AAMDC: variants seen among roughly 807,000 people sequenced by gnomAD.
AAMDC encodes adipogenesis associated Mth938 domain containing.
Under a neutral mutation model 15.5 loss-of-function variants are expected in AAMDC, and 16 were observed. The observed-to-expected ratio is 1.03, with a 90% CI of 0.70 to 1.57. The LOEUF is 1.57. Ranked by LOEUF, AAMDC falls within the 40% of genes most tolerant of loss-of-function variation. The probability of loss-of-function intolerance (pLI) is 0.00; values close to 1 mark genes in which losing one functional copy is unlikely to be tolerated. For missense variants in AAMDC, 141 were observed against 144.9 expected (o/e 0.97, Z 0.14); for synonymous variants, 51 against 51.6 (o/e 0.99, Z 0.05).
chr11:77,833,009 ATT>A lies in AAMDC; in HGVS notation c.-18-9451_-18-9450del, dbSNP rs781247642. Among the ~76,000 whole-genome samples, 22 of 60,020 alleles carry A rather than the reference ATT, an allele frequency of 3.7e-4. 1 individual carries two copies. Among genetic ancestry groups the A allele is most frequent in the South Asian group, 1.6e-3 (3 of 1,838 alleles). The allele number at this position is 60,020 out of a possible 152,430, so 39.4% of individuals were successfully genotyped here. A position where few individuals can be genotyped will look rare whatever the true frequency, so the allele number is the denominator to read the frequency against. On this transcript the variant is annotated intron_variant, in intron 1 of 3. Transcript: ENST00000393427. ...TGTGTGTGTGTGTGTATATATATAT[ATT>A]TTTTTTTTTTTTTTTTTTGAGACAG...
At chr11:77,893,897 A>AAATAAATAAATG (rs1445461668) in intron 5 of AAMDC, among the ~76,000 whole-genome samples, 36 of 148,894 alleles carry the variant, frequency 2.4e-4, no homozygotes, top group Non-Finnish European at 5.2e-4. Context: ...TGTCTTAAAT[A>AAATAAATAAATG]AATAAATAAA....
At chr11:77,862,990 C>CG (rs1296258587) in intron 2 of AAMDC, among the ~76,000 whole-genome samples, 2 of 151,974 alleles carry the variant, frequency 1.3e-5, no homozygotes, top group African/African-American at 4.8e-5. Flanking sequence ...CAAATGTTAC[C>CG]GGGGGGTCCT....
chr11:77,883,904 C>G (rs747088921), intron 5 of AAMDC: 8 of 1,613,236 alleles, frequency 5.0e-6, no homozygotes, highest in Non-Finnish European at 6.8e-6. Context: ...TTCCGGAAGT[C>G]TGCAGGCTTG....
chr11:77,893,205 C>A (rs546921138), intron 5 of AAMDC, among the ~76,000 whole-genome samples: 2 of 152,180 alleles, frequency 1.3e-5, no homozygotes, highest in African/African-American at 4.8e-5. Flanking sequence ...TGTGCTTTAA[C>A]GGATTCATTC....
intron 2 of AAMDC, among the ~76,000 whole-genome samples, chr11:77,851,908 G>A (rs914345542): frequency 4.6e-5 from 7 of 152,046 alleles, no homozygotes; most frequent in South Asian, 2.1e-4. Context: ...TCTTGAATTT[G>A]AATATTTTCA....
downstream of AAMDC, chr11:77,877,152 T>C: frequency 1.6e-6 from 1 of 644,148 alleles, no homozygotes; most frequent in Non-Finnish European, 2.8e-6. Context: ...GGAAATAGAC[T>C]GCCAGATCTG....
chr11:77,890,049 G>T (rs1952196490), intron 5 of AAMDC, among the ~76,000 whole-genome samples: 1 of 152,160 alleles, frequency 6.6e-6, no homozygotes, highest in Admixed American at 6.5e-5. Context: ...TCAGGATTTT[G>T]ATTTAATTAA....
At chr11:77,887,095 A>G (rs1000539052) in intron 5 of AAMDC, among the ~76,000 whole-genome samples, 2 of 151,948 alleles carry the variant, frequency 1.3e-5, no homozygotes, top group African/African-American at 2.4e-5. Context: ...AAATAACTAA[A>G]ATCAGAGCAG....
intron 2 of AAMDC, among the ~76,000 whole-genome samples, chr11:77,867,238 C>CTCTT (rs1951160104): frequency 6.6e-6 from 1 of 152,190 alleles, no homozygotes; most frequent in African/African-American, 2.4e-5. Context: ...CATTTGTTAT[C>CTCTT]TCTTTGATAA....
chr11:77,865,486 A>C (rs1951070463), intron 2 of AAMDC, among the ~76,000 whole-genome samples: 1 of 152,252 alleles, frequency 6.6e-6, no homozygotes. Flanking sequence ...AGCTCATGCC[A>C]AACCTATATA....
At chr11:77,875,571 CCAATTGCTGTTATCTTCTAGG>C (rs1951572414), downstream of AAMDC, among the ~76,000 whole-genome samples, 1 of 152,196 alleles carries the variant, frequency 6.6e-6, no homozygotes, top group South Asian at 2.1e-4. Context: ...TCTGATTCTT[CCAATTGCTGTTATCTTCTAGG>C]CCACTTTATT....
Position 77,872,246 on chromosome 11 carries a change from A to G in AAMDC, c.300A>G (p.Ala100=). 1 of 1,613,926 alleles carries G rather than the reference A, an allele frequency of 6.2e-7. No individual in the cohort carries two copies. ...IDVRVLQTEQ[A]VKEYNALVAQ... is the part of the protein sequence containing the mutation. ...TGCGGGTCCTCCAGACAGAGCAGGC[A>G]GTGAAGGAGTATAATGCCTTGGTTG... is the stretch of plus-strand genomic sequence containing the variant. Residue 100 remains alanine (A), a synonymous_variant, in exon 4 of 4, where the codon GCA becomes GCG. Transcript: ENST00000393427.
intron 2 of AAMDC, among the ~76,000 whole-genome samples, chr11:77,864,620 T>C (rs1951028563): frequency 6.6e-6 from 1 of 152,090 alleles, no homozygotes; most frequent in African/African-American, 2.4e-5. Flanking sequence ...GAAATTGACA[T>C]AGAAGGAATA....
chr11:77,838,615 C>CT (rs34851335), intron 1 of AAMDC, among the ~76,000 whole-genome samples: 3,405 of 129,278 alleles, frequency 0.026, 171 homozygotes, highest in African/African-American at 0.078. Flanking sequence ...ATACAAGTAC[C>CT]TTTTTTTTTT....
chr11:77,841,643 T>C (rs566449851), intron 1 of AAMDC, among the ~76,000 whole-genome samples: 2 of 152,308 alleles, frequency 1.3e-5, no homozygotes, highest in African/African-American at 4.8e-5. Flanking sequence ...TAGCCCAGAA[T>C]GTTTGGGTGT....
At chr11:77,899,969 A>G (rs1301743783) in intron 5 of AAMDC, among the ~76,000 whole-genome samples, 2 of 152,190 alleles carry the variant, frequency 1.3e-5, no homozygotes, top group East Asian at 3.8e-4. Flanking sequence ...AATTTTTCTA[A>G]CAATTATATA....
At chr11:77,833,011 T>TATATA (rs1565197568) in intron 1 of AAMDC, among the ~76,000 whole-genome samples, 2 of 96,714 alleles carry the variant, frequency 2.1e-5, no homozygotes, top group African/African-American at 7.6e-5. Flanking sequence ...ATATATATAT[T>TATATA]TTTTTTTTTT....
chr11:77,864,102 T>C (rs1409821149), intron 2 of AAMDC, among the ~76,000 whole-genome samples: 1 of 151,644 alleles, frequency 6.6e-6, no homozygotes, highest in Non-Finnish European at 1.5e-5. Context: ...AATTTTGGTA[T>C]TTTTAGTAGA....
intron 2 of AAMDC, among the ~76,000 whole-genome samples, chr11:77,860,002 C>T (rs1209344961): frequency 2.0e-5 from 3 of 152,228 alleles, no homozygotes; most frequent in Admixed American, 6.5e-5. Context: ...ACTGCTATTG[C>T]TGCCATTACC....
Sources: gnomAD v4.1 joint callset for allele counts (sites outside exome capture counted in the v4.1 genomes callset) on GRCh38, gnomAD v4.1.1 for gene constraint, MANE v1.5 for transcripts, NCBI Gene and HGNC (gene_info 2026-07-23, HGNC 2026-07-21) for gene names.